The following EML4 variants were observed in gnomAD, a reference collection of about 807,000 sequenced individuals.
EML4 encodes the protein EMAP like 4.
EML4 carries 72 observed loss-of-function variants against 129.0 expected under a neutral mutation model. That is an observed-to-expected ratio of 0.56 (90% confidence interval 0.46 to 0.68). The LOEUF is 0.68. EML4 is among the 30% of genes least tolerant of loss of function. The pLI is 0.00. For missense variants in EML4, 1,363 were observed against 1,190.6 expected (o/e 1.14, Z -2.13); for synonymous variants, 532 against 405.0 (o/e 1.31, Z -3.77).
chr2:42,191,682 T>G (rs1350568089), intron 1 of EML4, among the ~76,000 whole-genome samples: 1 of 152,256 alleles, frequency 6.6e-6, no homozygotes, highest in Admixed American at 6.5e-5. Flanking sequence ...TTTATGCTCT[T>G]TTCATTTACC....
At chr2:42,253,396 A>G (rs754116339) in intron 2 of EML4, among the ~76,000 whole-genome samples, 10 of 152,200 alleles carry the variant, frequency 6.6e-5, no homozygotes, top group Non-Finnish European at 1.3e-4. Flanking sequence ...GCATATTACA[A>G]TTGATAGTGT....
intron 19 of EML4, among the ~76,000 whole-genome samples, chr2:42,322,445 T>C (rs1237112496): frequency 6.6e-6 from 1 of 152,262 alleles, no homozygotes; most frequent in Non-Finnish European, 1.5e-5. Flanking sequence ...CCTTGGTTGC[T>C]TGGTTGCTTG....
At chr2:42,229,511 TCATAAAGCAAGACAGATAA>T (rs2104180967) in intron 1 of EML4, among the ~76,000 whole-genome samples, 1 of 152,218 alleles carries the variant, frequency 6.6e-6, no homozygotes, top group Non-Finnish European at 1.5e-5. Flanking sequence ...GAGAATTTTT[TCATAAAGCAAGACAGATAA>T]CTGTCTTGCA....
chr2:42,294,632 G>A (rs1362417742), intron 11 of EML4, among the ~76,000 whole-genome samples: 1 of 152,000 alleles, frequency 6.6e-6, no homozygotes, highest in Admixed American at 6.6e-5. Context: ...GGAGGCAGAG[G>A]TTGCCGTGAG....
intron 11 of EML4, among the ~76,000 whole-genome samples, chr2:42,293,099 T>C (rs753787904): frequency 1.3e-5 from 2 of 152,154 alleles, no homozygotes; most frequent in Non-Finnish European, 2.9e-5. Flanking sequence ...TGCTGTACTT[T>C]ATCTTCAACT....
At chr2:42,216,346 G>T (rs1673191479) in intron 1 of EML4, among the ~76,000 whole-genome samples, 1 of 139,606 alleles carries the variant, frequency 7.2e-6, no homozygotes, top group Non-Finnish European at 1.5e-5. Flanking sequence ...GGGTTCAAGC[G>T]ATTCTCCTGC....
chr2:42,234,513 A>G (rs1442819621), intron 1 of EML4, among the ~76,000 whole-genome samples: 2 of 149,334 alleles, frequency 1.3e-5, no homozygotes, highest in African/African-American at 4.9e-5. Flanking sequence ...CAAACTTGTG[A>G]CAAAAGAAGT....
At chr2:42,190,908 T>C (rs560022592) in intron 1 of EML4, among the ~76,000 whole-genome samples, 1 of 152,334 alleles carries the variant, frequency 6.6e-6, no homozygotes, top group Non-Finnish European at 1.5e-5. Flanking sequence ...TCCCCAAACA[T>C]TGAAAAATGC....
chr2:42,184,321 T>C (rs1464564413), intron 1 of EML4, among the ~76,000 whole-genome samples: 1 of 152,038 alleles, frequency 6.6e-6, no homozygotes, highest in East Asian at 1.9e-4. Flanking sequence ...GCCATGTTGG[T>C]GTGCTGCACC....
intron 3 of EML4, 37 bp from the exon 4 acceptor site, chr2:42,261,084 A>G: frequency 2.1e-6 from 3 of 1,455,670 alleles, no homozygotes; most frequent in Non-Finnish European, 2.8e-6. Flanking sequence ...TCATTTGTTT[A>G]AATGTGTATT....
At chr2:42,293,855 C>T (rs750488648) in intron 11 of EML4, among the ~76,000 whole-genome samples, 1 of 152,202 alleles carries the variant, frequency 6.6e-6, no homozygotes, top group Non-Finnish European at 1.5e-5. Flanking sequence ...GTGATCCACC[C>T]GCCTCAGCCT....
intron 1 of EML4, among the ~76,000 whole-genome samples, chr2:42,220,075 T>C (rs1572567638): frequency 6.6e-6 from 1 of 152,090 alleles, no homozygotes; most frequent in Non-Finnish European, 1.5e-5. Context: ...ACTCATAGTG[T>C]ATGTCATAGA....
chr2:42,313,044 G>A (rs978488477), intron 17 of EML4, among the ~76,000 whole-genome samples: 4 of 145,738 alleles, frequency 2.7e-5, no homozygotes, highest in South Asian at 2.2e-4. Flanking sequence ...CACCGCCTGC[G>A]TTCACGCCAT....
At chr2:42,263,022 T>C (rs1055046399) in intron 4 of EML4, among the ~76,000 whole-genome samples, 156 bp from the exon 5 acceptor site, 3 of 152,242 alleles carry the variant, frequency 2.0e-5, no homozygotes, top group Non-Finnish European at 4.4e-5. Flanking sequence ...CTTGTTTAAC[T>C]CCTTCACTCA....
At chr2:42,309,566 C>G (rs1455387496) in intron 17 of EML4, among the ~76,000 whole-genome samples, 2 of 151,276 alleles carry the variant, frequency 1.3e-5, no homozygotes, top group African/African-American at 2.4e-5. Context: ...TACATATTAT[C>G]TGTGTTTTGA....
chr2:42,174,904 G>A (rs35692656), intron 1 of EML4, among the ~76,000 whole-genome samples: 1 of 150,826 alleles, frequency 6.6e-6, no homozygotes, highest in Non-Finnish European at 1.5e-5. Flanking sequence ...TGCAGCCTCC[G>A]CCTCCCGGGT....
chr2:42,246,285 A>G (rs537099114), intron 2 of EML4, among the ~76,000 whole-genome samples: 9 of 152,246 alleles, frequency 5.9e-5, no homozygotes, highest in Admixed American at 2.0e-4. Flanking sequence ...CCTTACTTCA[A>G]CCACCAAGAA....
At position 42,316,066 on chromosome 2, in the gene EML4, C is replaced by T; in HGVS notation, c.2056+16C>T. On this transcript the variant is annotated intron_variant, in intron 18 of 22. Coordinates refer to ENST00000318522, the MANE Select transcript of EML4 (RefSeq NM_019063.5). ...TACTCAATAGGTAGGCAAATTTACTCCCACCTCCCAAGCATGGCATTCACA... is the reference window on the plus strand; with the variant it reads ...TACTCAATAGGTAGGCAAATTTACTTCCACCTCCCAAGCATGGCATTCACA... 2 of 1,572,874 alleles carry T rather than the reference C, an allele frequency of 1.3e-6. No individual in the cohort carries two copies. Among genetic ancestry groups the T allele is most frequent in the Non-Finnish European group, 8.7e-7 (1 of 1,143,340 alleles).
chr2:42,316,321 T>C (rs902235259), intron 18 of EML4, among the ~76,000 whole-genome samples: 2 of 152,214 alleles, frequency 1.3e-5, no homozygotes, highest in Non-Finnish European at 2.9e-5. Flanking sequence ...ATCCCCTTTT[T>C]CCGGAACTAC....
Sources: allele counts gnomAD v4.1 joint callset (sites outside exome capture counted in the v4.1 genomes callset), GRCh38; gene constraint gnomAD v4.1.1; transcripts MANE v1.5; gene names NCBI Gene and HGNC (gene_info 2026-07-23, HGNC 2026-07-21).